The following DERA variants were observed in gnomAD, a reference collection of about 807,000 sequenced individuals.
DERA encodes 2-deoxy-D-ribose 5-phosphate aldolase.
Under a neutral mutation model 41.1 loss-of-function variants are expected in DERA, and 15 were observed. The ratio of observed to expected loss-of-function variants is 0.37; its 90% CI spans 0.24 to 0.56. The LOEUF is 0.56. Ranked by LOEUF, DERA falls within the 20% of genes least tolerant of loss-of-function variation. The pLI is 0.81. For missense variants in DERA, 396 were observed against 403.4 expected (o/e 0.98, Z 0.16); for synonymous variants, 139 against 137.4 (o/e 1.01, Z -0.08).
At chr12:15,934,554 A>G (rs1948352107) in intron 1 of DERA, among the ~76,000 whole-genome samples, 1 of 151,896 alleles carries the variant, frequency 6.6e-6, no homozygotes, top group African/African-American at 2.4e-5. Context: ...GTGCCACTGC[A>G]CTCCAGCCTG....
intron 1 of DERA, among the ~76,000 whole-genome samples, chr12:15,929,028 C>T (rs556544423): frequency 3.3e-5 from 5 of 152,292 alleles, no homozygotes; most frequent in South Asian, 2.1e-4. Context: ...GGCTCAGCCA[C>T]GTGACTTCTT....
At chr12:15,997,747 T>C (rs1948848741) in intron 6 of DERA, among the ~76,000 whole-genome samples, 1 of 152,240 alleles carries the variant, frequency 6.6e-6, no homozygotes, top group Non-Finnish European at 1.5e-5. Flanking sequence ...GTAAATTATG[T>C]AGAGAACATA....
At chr12:15,923,048 A>T (rs1591999350) in intron 1 of DERA, among the ~76,000 whole-genome samples, 1 of 103,842 alleles carries the variant, frequency 9.6e-6, no homozygotes. Flanking sequence ...TTTGAGACGG[A>T]GTCTCGCTCT....
chr12:15,933,954 C>A (rs905100305), intron 1 of DERA, among the ~76,000 whole-genome samples: 18 of 152,140 alleles, frequency 1.2e-4, no homozygotes, highest in African/African-American at 4.3e-4. Flanking sequence ...CTGGTTCTTT[C>A]CTTTTTGTCA....
At position 16,001,896 on chromosome 12, in the gene DERA, T is replaced by C. The variant is rs1267197027; in HGVS notation, c.637+19460T>C. ...AGAGGAAACAAACCCCGGTATGGAC[T>C]TTTCAGACAAAATACTGCTTTCTTT... On this transcript the variant is annotated intron_variant, in intron 6 of 8. Coordinates refer to ENST00000428559, the MANE Select transcript of DERA (RefSeq NM_015954.4). The surrounding 1 kb of genome is among the most constrained non-coding windows in gnomAD (Gnocchi z 4.1). Among the ~76,000 whole-genome samples, 1 of 152,178 alleles carries C rather than the reference T, an allele frequency of 6.6e-6. No homozygotes were observed. Among genetic ancestry groups the C allele is most frequent in the Non-Finnish European group, 1.5e-5 (1 of 68,038 alleles).
chr12:15,997,323 A>C (rs867896964), intron 6 of DERA, among the ~76,000 whole-genome samples: 2 of 152,196 alleles, frequency 1.3e-5, no homozygotes, highest in Non-Finnish European at 2.9e-5. Flanking sequence ...GTTTAAAAAA[A>C]ATATTTGCAG....
rs1304846122 is a variant in DERA at position 15,931,978 on chromosome 12, T to TA, written c.31+20565dup. 6.6e-6 allele frequency among the ~76,000 whole-genome samples: 1 copy of TA among 152,116 alleles called. No individual in the cohort carries two copies. Among genetic ancestry groups the TA allele is most frequent in the Non-Finnish European group, 1.5e-5 (1 of 68,016 alleles). ...TGTTATGACTCAGCAGAAAAGCCCT[T>TA]ACCAAAAGCCAGCACCACACTCTTG... On this transcript the variant is annotated intron_variant, in intron 1 of 8. Transcript: ENST00000428559. This position sits in a 1 kb window ranked among gnomAD's most constrained non-coding sequence, Gnocchi z 4.6.
chr12:15,950,675 C>T (rs188123691), intron 1 of DERA, among the ~76,000 whole-genome samples: 9 of 152,288 alleles, frequency 5.9e-5, no homozygotes, highest in East Asian at 1.9e-4. Context: ...GCTTATTTCA[C>T]GTGGGGTCCT....
intron 6 of DERA, among the ~76,000 whole-genome samples, chr12:16,007,736 CT>C (rs1948921846): frequency 1.3e-5 from 2 of 152,300 alleles, no homozygotes; most frequent in South Asian, 4.2e-4. Context: ...CCAGTGTCTT[CT>C]TCAGTTAGCT....
rs1295053411 is a variant in DERA at position 15,911,572 on chromosome 12, T to G, written c.31+158T>G. 1.3e-6 allele frequency: 1 copy of G among 784,140 alleles called. No homozygotes were observed. The highest frequency in any genetic ancestry group is 2.1e-6 in the Non-Finnish European group (1 of 472,708). The allele number at this position is 784,140 out of a possible 1,614,324, so 48.6% of individuals were successfully genotyped here. A position where few individuals can be genotyped will look rare whatever the true frequency, so the allele number is the denominator to read the frequency against. ...GCGTCTGGTCAGCCCTCACCCCAAGTAAAGGCCGAACCCGGCACGTTCGCG... is the reference window on the plus strand; with the variant it reads ...GCGTCTGGTCAGCCCTCACCCCAAGGAAAGGCCGAACCCGGCACGTTCGCG... On this transcript the variant is annotated intron_variant, in intron 1 of 8. Coordinates refer to ENST00000428559, the MANE Select transcript of DERA (RefSeq NM_015954.4). This position sits in a 1 kb window ranked among gnomAD's most constrained non-coding sequence, Gnocchi z 4.5.
rs377394418 is a variant in DERA at position 15,994,892 on chromosome 12, T to C, written c.637+12456T>C. Reference sequence around the variant, plus strand: ...AATAAATCATGTGAAGTTGGTAGTTTATAAATTCTTTCTGCAGTAATCCCA... The same window carrying C: ...AATAAATCATGTGAAGTTGGTAGTTCATAAATTCTTTCTGCAGTAATCCCA... On this transcript the variant is annotated intron_variant, in intron 6 of 8. Transcript: ENST00000428559. The surrounding 1 kb of genome is among the most constrained non-coding windows in gnomAD (Gnocchi z 4.8). 6.6e-6 allele frequency among the ~76,000 whole-genome samples: 1 copy of C among 152,232 alleles called. No homozygotes were observed. Among genetic ancestry groups the C allele is most frequent in the African/African-American group, 2.4e-5 (1 of 41,452 alleles).
rs1295919323 is a variant in DERA at position 15,911,464 on chromosome 12, G to T, written c.31+50G>T. ...TCCCCTCTCCCTCGCGTTCAGCGCC[G>T]CCGGGACTAGCGCGGGGCCTGCTGC... On this transcript the variant is annotated intron_variant, in intron 1 of 8. Transcript: ENST00000428559. This position sits in a 1 kb window ranked among gnomAD's most constrained non-coding sequence, Gnocchi z 4.5. 7.1e-7 allele frequency: 1 copy of T among 1,398,728 alleles called. No individual in the cohort carries two copies. The highest frequency in any genetic ancestry group is 1.5e-5 in the South Asian group (1 of 65,242). The allele number at this position is 1,398,728 out of a possible 1,614,324, so 86.6% of individuals were successfully genotyped here.
intron 1 of DERA, among the ~76,000 whole-genome samples, chr12:15,930,772 T>C (rs894142526): frequency 2.0e-5 from 3 of 152,126 alleles, no homozygotes; most frequent in Non-Finnish European, 2.9e-5. Context: ...TCATAAGATA[T>C]GCTTTTCATA....
Position 16,008,177 on chromosome 12 carries a change from G to A in DERA, c.638-24365G>A, listed in dbSNP as rs368698877. Among the ~76,000 whole-genome samples, 3 of 152,276 alleles carry A rather than the reference G, an allele frequency of 2.0e-5. No homozygotes were observed. The East Asian group carries it at 5.8e-4, about 29-fold the overall frequency. ...CAGATAACACAGTTTCTTTTTCTCT[G>A]TTTCTTCAGCAACGTGCAGACACAT... On this transcript the variant is annotated intron_variant, in intron 6 of 8. Transcript: ENST00000428559. This position sits in a 1 kb window ranked among gnomAD's most constrained non-coding sequence, Gnocchi z 4.8.
intron 3 of DERA, among the ~76,000 whole-genome samples, chr12:15,958,697 A>G (rs996711969): frequency 6.6e-6 from 1 of 152,126 alleles, no homozygotes; most frequent in African/African-American, 2.4e-5. Context: ...TAATAATCAC[A>G]TCTCATACAT....
chr12:15,939,666 A>T (rs935497586), intron 1 of DERA, among the ~76,000 whole-genome samples: 2 of 152,072 alleles, frequency 1.3e-5, no homozygotes, highest in African/African-American at 4.8e-5. Context: ...GAAAAAAAAA[A>T]GCCAACATTT....
rs1304627574 is a variant in DERA at position 15,996,049 on chromosome 12, T to C, written c.637+13613T>C. Among the ~76,000 whole-genome samples, 1 of 152,122 alleles carries C rather than the reference T, an allele frequency of 6.6e-6. No homozygotes were observed. Among genetic ancestry groups the C allele is most frequent in the African/African-American group, 2.4e-5 (1 of 41,438 alleles). On this transcript the variant is annotated intron_variant, in intron 6 of 8. Transcript: ENST00000428559. The surrounding 1 kb of genome is among the most constrained non-coding windows in gnomAD (Gnocchi z 4.7). Reference sequence around the variant, plus strand: ...CTGAGTGAGCCTGATGGAGCTACACTAAGACAGACTCAGCAAACATTAGAG... The same window carrying C: ...CTGAGTGAGCCTGATGGAGCTACACCAAGACAGACTCAGCAAACATTAGAG...
Position 15,963,270 on chromosome 12 carries a change from C to G in DERA, c.508+323C>G, listed in dbSNP as rs73303375. Among the ~76,000 whole-genome samples, 924 of 152,306 alleles carry G rather than the reference C, an allele frequency of 6.1e-3. 7 individuals are homozygous for G. The highest frequency in any genetic ancestry group is 0.021 in the African/African-American group (874 of 41,580). ...TCAGAAGGGAAAAGTTACTACTATT[C>G]TATACTGTTTTGTTACTCAATACAT... On this transcript the variant is annotated intron_variant, in intron 5 of 8. Transcript: ENST00000428559.
At position 15,976,808 on chromosome 12, in the gene DERA, G is replaced by GA. The variant is rs200017246; in HGVS notation, c.509-5495dup. 1.3e-5 allele frequency among the ~76,000 whole-genome samples: 2 copies of GA among 152,108 alleles called. No individual in the cohort carries two copies. Among genetic ancestry groups the GA allele is most frequent in the African/African-American group, 4.8e-5 (2 of 41,404 alleles). ...AAGCTCTCCTATCTAATCTTGAGGA[G>GA]AAAAATGAAGCTTGGAGAGGTTCAG... On this transcript the variant is annotated intron_variant, in intron 5 of 8. Coordinates refer to ENST00000428559, the MANE Select transcript of DERA (RefSeq NM_015954.4). The surrounding 1 kb of genome is among the most constrained non-coding windows in gnomAD (Gnocchi z 4.1).
Sources: allele counts gnomAD v4.1 joint callset (sites outside exome capture counted in the v4.1 genomes callset), GRCh38; gene constraint gnomAD v4.1.1; non-coding constraint Gnocchi (gnomAD v3.1); transcripts MANE v1.5; gene names NCBI Gene and HGNC (gene_info 2026-07-23, HGNC 2026-07-21).